Variants in SCO1 observed in about 807,000 individuals in gnomAD.
The protein encoded by SCO1 is cytochrome c oxidase assembly factor SCO1.
SCO1 carries 23 observed loss-of-function variants against 34.0 expected under a neutral mutation model. The observed-to-expected ratio is 0.68, with a 90% CI of 0.49 to 0.96. The LOEUF is 0.96. SCO1 is among the 40% of genes least tolerant of loss of function. The pLI is 0.00. For synonymous variants in SCO1, 161 were observed against 145.5 expected (o/e 1.11, Z -0.77); for missense variants, 404 against 381.6 (o/e 1.06, Z -0.49).
At chr17:10,689,219 G>GT (rs902659222) in intron 4 of SCO1, among the ~76,000 whole-genome samples, 2 of 151,942 alleles carry the variant, frequency 1.3e-5, no homozygotes, top group African/African-American at 4.8e-5. Context: ...AGGGTAACAG[G>GT]TATGTTCATT....
intron 5 of SCO1, among the ~76,000 whole-genome samples, chr17:10,684,505 CT>C (rs1182995766): frequency 6.6e-6 from 1 of 152,226 alleles, no homozygotes; most frequent in African/African-American, 2.4e-5. Context: ...CTGAGCAGCA[CT>C]TTGGTTTCAG....
At chr17:10,691,210 G>T (rs2074687361) in intron 4 of SCO1, among the ~76,000 whole-genome samples, 1 of 152,174 alleles carries the variant, frequency 6.6e-6, no homozygotes, top group African/African-American at 2.4e-5. Flanking sequence ...ACCTCCGCCT[G>T]CCAGGTTCAC....
At position 10,696,952 on chromosome 17, in the gene SCO1, A is replaced by ATTT. The variant is rs57744268; in HGVS notation, c.273+280_273+282dup. Among the ~76,000 whole-genome samples the ATTT allele has an allele frequency of 1.0e-2, 1,461 of 146,328 alleles. 10 individuals carry two copies. Among genetic ancestry groups the ATTT allele is most frequent in the Middle Eastern group, 0.052 (15 of 286 alleles). The stretch of plus-strand genomic sequence containing the variant: ...TACCCTTAAGAAAACCTGAAACTTA[A>ATTT]TTTTTTTTTTTTTTTTGATGGAAAC... On this transcript the variant is annotated intron_variant, in intron 1 of 5. Coordinates refer to ENST00000255390, the MANE Select transcript of SCO1 (RefSeq NM_004589.4).
chr17:10,678,336 ACAT>A lies in SCO1; in HGVS notation c.*2780_*2782del, dbSNP rs2074595764. On this transcript the variant is annotated 3_prime_UTR_variant, in exon 6 of 6. Transcript: ENST00000255390. ...ACTGTCCCCTTGTGCATAAACAGGAACATCTGGAAGACGTCACCTCTAAGGTCC... is the reference window on the plus strand; with the variant it reads ...ACTGTCCCCTTGTGCATAAACAGGAACTGGAAGACGTCACCTCTAAGGTCC... 1 of 152,180 alleles carries A rather than the reference ACAT, an allele frequency of 6.6e-6. No homozygotes were observed. The highest frequency in any genetic ancestry group is 2.1e-4 in the South Asian group (1 of 4,826). The allele number at this position is 152,180 out of a possible 1,614,324, so 9.4% of individuals were successfully genotyped here.
chr17:10,694,873 C>T (rs1426225891), intron 2 of SCO1, among the ~76,000 whole-genome samples: 5 of 152,018 alleles, frequency 3.3e-5, no homozygotes, highest in Non-Finnish European at 7.4e-5. Context: ...TATGTCAGTA[C>T]AAAACTTAAC....
At chr17:10,684,200 T>C (rs2520190) in intron 5 of SCO1, among the ~76,000 whole-genome samples, 6,104 of 152,318 alleles carry the variant, frequency 0.04, 400 homozygotes, top group African/African-American at 0.13. Flanking sequence ...TACATATTTT[T>C]GTTTTCATTT....
rs1396137088 is a variant in SCO1, at chr17:10,677,639, TAA to T, written c.*3478_*3479del. 1 of 152,228 alleles carries T rather than the reference TAA, an allele frequency of 6.6e-6. No homozygotes were observed. Among genetic ancestry groups the T allele is most frequent in the African/African-American group, 2.4e-5 (1 of 41,460 alleles). The allele number at this position is 152,228 out of a possible 1,614,324, so 9.4% of individuals were successfully genotyped here. On this transcript the variant is annotated 3_prime_UTR_variant, in exon 6 of 6. Transcript: ENST00000255390. ...GTCAGTAAATCTCACCTCTTACACT[TAA>T]GATATCAGCTGCTTCATGAACAGCC...
chr17:10,689,626 T>C (rs1451225217), intron 4 of SCO1, among the ~76,000 whole-genome samples: 1 of 152,180 alleles, frequency 6.6e-6, no homozygotes. Context: ...TAAAAGTGCC[T>C]AACAGCTTTT....
intron 1 of SCO1, among the ~76,000 whole-genome samples, chr17:10,696,944 G>T (rs1301526350): frequency 7.1e-6 from 1 of 140,928 alleles, no homozygotes; most frequent in African/African-American, 2.8e-5. Context: ...AAGAAAACCT[G>T]AAACTTAATT....
rs1387151748 is a variant in SCO1, at chr17:10,672,752, A to T, written c.*8367T>A. Reference sequence around the variant, plus strand: ...AAACTATTTTCTTAATTAATAGCTCATCATTTTTTCCAAAATTTTATAATT... The same window carrying T: ...AAACTATTTTCTTAATTAATAGCTCTTCATTTTTTCCAAAATTTTATAATT... On this transcript the variant is annotated 3_prime_UTR_variant, in exon 6 of 6. Coordinates refer to ENST00000255390, the MANE Select transcript of SCO1 (RefSeq NM_004589.4). 1 of 152,228 alleles carries T rather than the reference A, an allele frequency of 6.6e-6. No homozygotes were observed. Among genetic ancestry groups the T allele is most frequent in the African/African-American group, 2.4e-5 (1 of 41,472 alleles). 9.4% of individuals were successfully genotyped at this position (152,228 alleles called of 1,614,324 possible).
intron 4 of SCO1, 71 bp from the exon 5 acceptor site, chr17:10,686,913 G>GT (rs2074660492): frequency 2.1e-6 from 2 of 969,178 alleles, no homozygotes. Flanking sequence ...TTCAAAAAAT[G>GT]TATCAGTTGT....
intron 4 of SCO1, among the ~76,000 whole-genome samples, chr17:10,688,440 T>A (rs1185300573): frequency 6.6e-6 from 1 of 152,074 alleles, no homozygotes; most frequent in Non-Finnish European, 1.5e-5. Flanking sequence ...AAAACCACAA[T>A]GAGATATCAC....
chr17:10,674,403 G>C lies in SCO1; in HGVS notation c.*6716C>G, dbSNP rs2074567471. On this transcript the variant is annotated 3_prime_UTR_variant, in exon 6 of 6. Transcript: ENST00000255390. ...ATCGCACCACTGCTCTCCAGCCTAGGCAACAAGAGCGAAACTCCATCTCAA... is the reference window on the plus strand; with the variant it reads ...ATCGCACCACTGCTCTCCAGCCTAGCCAACAAGAGCGAAACTCCATCTCAA... The C allele has an allele frequency of 3.7e-6, 1 of 267,850 alleles. No homozygotes were observed. The highest frequency in any genetic ancestry group is 7.4e-6 in the Non-Finnish European group (1 of 134,734). The allele number at this position is 267,850 out of a possible 1,614,324, so 16.6% of individuals were successfully genotyped here. A position where few individuals can be genotyped will look rare whatever the true frequency, so the allele number is the denominator to read the frequency against.
rs1326502929 is a variant in SCO1 at position 10,677,938 on chromosome 17, A to G, written c.*3181T>C. ...TGAGACCAGTCTGACCAACATAGAGAAACCCAGTCTCTACTAAAAATACAA... is the reference window on the plus strand; with the variant it reads ...TGAGACCAGTCTGACCAACATAGAGGAACCCAGTCTCTACTAAAAATACAA... On this transcript the variant is annotated 3_prime_UTR_variant, in exon 6 of 6. Transcript: ENST00000255390. The G allele has an allele frequency of 6.6e-6, 1 of 152,188 alleles. No homozygotes were observed. The highest frequency in any genetic ancestry group is 1.5e-5 in the Non-Finnish European group (1 of 68,078). The allele number at this position is 152,188 out of a possible 1,614,324, so 9.4% of individuals were successfully genotyped here.
chr17:10,686,374 G>A (rs909038987), intron 5 of SCO1, among the ~76,000 whole-genome samples: 9 of 151,980 alleles, frequency 5.9e-5, no homozygotes, highest in African/African-American at 2.2e-4. Context: ...AAGGTCAGGA[G>A]TTCGAGACCA....
intron 4 of SCO1, among the ~76,000 whole-genome samples, chr17:10,688,459 T>C (rs1172486494): frequency 2.6e-5 from 4 of 152,190 alleles, no homozygotes; most frequent in African/African-American, 9.6e-5. Context: ...ACTAAGCACC[T>C]ACTAGAGTGG....
intron 5 of SCO1, among the ~76,000 whole-genome samples, chr17:10,685,526 G>A (rs2074650358): frequency 6.6e-6 from 1 of 152,172 alleles, no homozygotes; most frequent in Admixed American, 6.5e-5. Flanking sequence ...TGATGAATAT[G>A]AAGATAGTTA....
chr17:10,680,499 T>A lies in SCO1; in HGVS notation c.*620A>T, dbSNP rs1286873585. 1 of 158,402 alleles carries A rather than the reference T, an allele frequency of 6.3e-6. No individual in the cohort carries two copies. The highest frequency in any genetic ancestry group is 1.4e-5 in the Non-Finnish European group (1 of 71,466). 9.8% of individuals were successfully genotyped at this position (158,402 alleles called of 1,614,324 possible). Reference sequence around the variant, plus strand: ...GCTAAAAATCACATAAAAGAACCCCTAGAGAAATCAAACTGATGTTTTTTT... The same window carrying A: ...GCTAAAAATCACATAAAAGAACCCCAAGAGAAATCAAACTGATGTTTTTTT... On this transcript the variant is annotated 3_prime_UTR_variant, in exon 6 of 6. Coordinates refer to ENST00000255390, the MANE Select transcript of SCO1 (RefSeq NM_004589.4).
At position 10,674,571 on chromosome 17, in the gene SCO1, G is replaced by A. The variant is rs571646971; in HGVS notation, c.*6548C>T. ...ACACTGAGTAGCAAGGCTGTAGAGG[G>A]AGTCTGAGTATTAGCTTTGCTACAA... On this transcript the variant is annotated 3_prime_UTR_variant, in exon 6 of 6. Transcript: ENST00000255390. 3.1e-5 allele frequency: 5 copies of A among 161,582 alleles called. No individual in the cohort carries two copies. The South Asian group carries it at 6.4e-4, about 21-fold the overall frequency. The allele number at this position is 161,582 out of a possible 1,614,324, so 10.0% of individuals were successfully genotyped here.
Sources: gnomAD v4.1 joint callset for allele counts (sites outside exome capture counted in the v4.1 genomes callset) on GRCh38, gnomAD v4.1.1 for gene constraint, MANE v1.5 for transcripts, NCBI Gene and HGNC (gene_info 2026-07-23, HGNC 2026-07-21) for gene names.